The following OLFML2B variants were observed in gnomAD, a reference collection of about 807,000 sequenced individuals.
The protein encoded by OLFML2B is olfactomedin-like protein 2B.
OLFML2B carries 57 observed loss-of-function variants against 74.9 expected under a neutral mutation model. The observed-to-expected ratio is 0.76, with a 90% CI of 0.61 to 0.95. The LOEUF is 0.95. Among genes scored for constraint, OLFML2B ranks in the 40% least tolerant of loss-of-function variants. The probability of loss-of-function intolerance (pLI) is 0.00; values close to 1 mark genes in which losing one functional copy is unlikely to be tolerated. For missense variants in OLFML2B, 986 were observed against 970.6 expected (o/e 1.02, Z -0.21); for synonymous variants, 388 against 405.8 (o/e 0.96, Z 0.53).
intron 2 of OLFML2B, among the ~76,000 whole-genome samples, 159 bp downstream of exon 2, chr1:162,019,760 C>T (rs1213517822): frequency 6.6e-6 from 1 of 151,520 alleles, no homozygotes; most frequent in Non-Finnish European, 1.5e-5. Context: ...CTGAAAAGGA[C>T]AAGTTTGCTA....
rs561894392 is a variant in OLFML2B at position 162,006,474 on chromosome 1, C to T, written c.547-1G>A. The T allele has an allele frequency of 2.7e-6, 4 of 1,454,706 alleles. No individual in the cohort carries two copies. In the South Asian group the frequency reaches 5.1e-5, roughly 19 times the overall value. 90.1% of individuals were successfully genotyped at this position (1,454,706 alleles called of 1,614,324 possible). ...CCTTGGTGAGGTTTTTAGACACTTC[C>T]TGAGAAGGAAAAAAAAAAGATGATC... is the stretch of plus-strand genomic sequence containing the variant. On this transcript the variant is annotated splice_acceptor_variant, in intron 3 of 7. Coordinates refer to ENST00000294794, the MANE Select transcript of OLFML2B (RefSeq NM_015441.3). LOFTEE classifies it high-confidence loss of function.
chr1:161,990,720 A>C (rs1053745045), intron 6 of OLFML2B, among the ~76,000 whole-genome samples: 1 of 152,158 alleles, frequency 6.6e-6, no homozygotes, highest in South Asian at 2.1e-4. Flanking sequence ...TGCTGCATCA[A>C]TTGACTCTTC....
At chr1:162,002,827 G>A (rs113480270) in intron 4 of OLFML2B, among the ~76,000 whole-genome samples, 3,315 of 152,260 alleles carry the variant, frequency 0.022, 119 homozygotes, top group African/African-American at 0.075. Flanking sequence ...TCAATTCCCT[G>A]TTCTTGCTGG....
chr1:161,992,080 G>T (rs1689757217), intron 6 of OLFML2B, among the ~76,000 whole-genome samples: 1 of 152,212 alleles, frequency 6.6e-6, no homozygotes, highest in Non-Finnish European at 1.5e-5. Context: ...AAAATCTGTT[G>T]TTTAGTGTAG....
Position 161,997,953 on chromosome 1 carries a change from G to A in OLFML2B, c.1346C>T (p.Thr449Ile). Reference protein sequence around the residue: ...PREALMEAMHTVPVPPTTVRT... With the variant: ...PREALMEAMHIVPVPPTTVRT... ...GACTGTGGTGGGAGGCACTGGGACT[G>A]TGTGCATAGCTTCCATCAATGCCTC... is the stretch of plus-strand genomic sequence containing the variant. The change falls in exon 6 of 8, where the codon ACA becomes ATA. Residue 449 changes from threonine (T) to isoleucine (I), a missense_variant. By Grantham distance (89) the Thr-to-Ile change is moderately conservative. Coordinates refer to ENST00000294794, the MANE Select transcript of OLFML2B (RefSeq NM_015441.3). 2 of 1,614,238 alleles carry A rather than the reference G, an allele frequency of 1.2e-6. No individual in the cohort carries two copies. Among genetic ancestry groups the A allele is most frequent in the South Asian group, 1.1e-5 (1 of 91,082 alleles).
In OLFML2B at chr1:161,983,676, CAGT is replaced by C; in HGVS notation, c.2249_2251del (p.Tyr750del). On this transcript the variant is annotated inframe_deletion, in exon 8 of 8. Coordinates refer to ENST00000294794, the MANE Select transcript of OLFML2B (RefSeq NM_015441.3). Reference sequence around the variant, plus strand: ...CTTCTGCTTGTGGGGACAAGGGTGTCAGTAGGCAAAGATGACATGGTAAGTGAC... The same window carrying C: ...CTTCTGCTTGTGGGGACAAGGGTGTCAGGCAAAGATGACATGGTAAGTGAC... 3.1e-6 allele frequency: 5 copies of C among 1,602,572 alleles called. No homozygotes were observed. In the South Asian group the frequency reaches 5.6e-5, roughly 18 times the overall value.
Position 161,983,700 on chromosome 1 carries a change from G to C in OLFML2B, c.2228C>G (p.Thr743Ser). The change falls in exon 8 of 8, where the codon ACT becomes AGT. Residue 743 changes from threonine to serine, a missense_variant. Transcript: ENST00000294794. ...TCAGTAGGCAAAGATGACATGGTAA[G>C]TGACCTGGTGGCCATTGTCCCAGGC... ...LYAWDNGHQV[T>S]YHVIFAY 1 of 1,611,298 alleles carries C rather than the reference G, an allele frequency of 6.2e-7. No homozygotes were observed. Among genetic ancestry groups the C allele is most frequent in the Non-Finnish European group, 8.5e-7 (1 of 1,177,718 alleles).
At chr1:162,022,569 T>C (rs1393038261) in intron 1 of OLFML2B, among the ~76,000 whole-genome samples, 1 of 152,184 alleles carries the variant, frequency 6.6e-6, no homozygotes, top group Admixed American at 6.5e-5. Context: ...TCTCTTATGG[T>C]CTTTATCTAT....
chr1:162,001,759 G>A (rs2101963006), intron 4 of OLFML2B, among the ~76,000 whole-genome samples: 2 of 152,320 alleles, frequency 1.3e-5, no homozygotes, highest in East Asian at 1.9e-4. Flanking sequence ...TGAAAGAAGA[G>A]AGACCATTTC....
chr1:161,997,351 G>A (rs1482370494), intron 6 of OLFML2B, among the ~76,000 whole-genome samples: 1 of 152,108 alleles, frequency 6.6e-6, no homozygotes, highest in Non-Finnish European at 1.5e-5. Context: ...CTCCATGGGT[G>A]GGGCTCATGA....
chr1:162,011,356 C>T (rs1690375245), intron 3 of OLFML2B, among the ~76,000 whole-genome samples: 1 of 152,094 alleles, frequency 6.6e-6, no homozygotes, highest in African/African-American at 2.4e-5. Context: ...GTAACTGGAC[C>T]CAAGGGGGGA....
In OLFML2B at chr1:162,006,431, C is replaced by G. The variant is rs1690234040; in HGVS notation, c.589G>C (p.Glu197Gln). The change falls in exon 4 of 8, where the codon GAG becomes CAG. Residue 197 changes from glutamate to glutamine, a missense_variant. Transcript: ENST00000294794. The stretch of plus-strand genomic sequence containing the variant: ...TCGGTTCGAATTTCTTCCATGTCCT[C>G]TTTGATTTGTTCATTTTCCTTGGTG... The part of the protein sequence containing the change: ...NLTKENEQIK[E>Q]DMEEIRTEMN... The G allele has an allele frequency of 6.2e-7, 1 of 1,605,288 alleles. No individual in the cohort carries two copies. Among genetic ancestry groups the G allele is most frequent in the Non-Finnish European group, 8.5e-7 (1 of 1,177,790 alleles).
intron 6 of OLFML2B, among the ~76,000 whole-genome samples, chr1:161,988,879 C>G (rs892346971): frequency 1.3e-5 from 2 of 152,144 alleles, no homozygotes; most frequent in Admixed American, 6.5e-5. Context: ...AAATGGAAAT[C>G]ATTTGCTTCA....
intron 6 of OLFML2B, among the ~76,000 whole-genome samples, chr1:161,986,972 T>G (rs969340360): frequency 6.6e-6 from 1 of 152,222 alleles, no homozygotes; most frequent in African/African-American, 2.4e-5. Flanking sequence ...AAGCCAGGAC[T>G]CGTCTGTGCA....
At chr1:162,007,654 G>C (rs1481700067) in intron 3 of OLFML2B, among the ~76,000 whole-genome samples, 1 of 152,192 alleles carries the variant, frequency 6.6e-6, no homozygotes, top group African/African-American at 2.4e-5. Flanking sequence ...GCCAGGCACA[G>C]CTCTGCAGCC....
intron 4 of OLFML2B, among the ~76,000 whole-genome samples, chr1:162,000,655 A>T (rs963124408): frequency 6.6e-6 from 1 of 152,190 alleles, no homozygotes; most frequent in Non-Finnish European, 1.5e-5. Flanking sequence ...CTGGTTCCAG[A>T]ATCAGTGTCG....
At chr1:162,002,330 G>A (rs1286415204) in intron 4 of OLFML2B, among the ~76,000 whole-genome samples, 3 of 152,210 alleles carry the variant, frequency 2.0e-5, no homozygotes, top group African/African-American at 7.2e-5. Flanking sequence ...ACCAGGGGGA[G>A]GTGAGTGAGC....
chr1:162,018,128 C>T (rs1472216865), intron 2 of OLFML2B, among the ~76,000 whole-genome samples: 1 of 152,036 alleles, frequency 6.6e-6, no homozygotes, highest in East Asian at 1.9e-4. Flanking sequence ...CTAAGGGCTG[C>T]CTGATGGTGG....
intron 3 of OLFML2B, among the ~76,000 whole-genome samples, chr1:162,009,038 T>C (rs1690306540): frequency 6.6e-6 from 1 of 152,150 alleles, no homozygotes; most frequent in South Asian, 2.1e-4. Context: ...TACCTTTTTA[T>C]TAAGGCGTTC....
Sources: gnomAD v4.1 joint callset for allele counts (sites outside exome capture counted in the v4.1 genomes callset) on GRCh38, gnomAD v4.1.1 for gene constraint, MANE v1.5 for transcripts, NCBI Gene and HGNC (gene_info 2026-07-23, HGNC 2026-07-21) for gene names.